Variants in ILDR2 observed in about 807,000 individuals in gnomAD.
The protein encoded by ILDR2 is immunoglobulin-like domain-containing receptor 2.
ILDR2 carries 25 observed loss-of-function variants against 66.8 expected under a neutral mutation model. The observed-to-expected ratio is 0.37, with a 90% CI of 0.27 to 0.52. The LOEUF (loss-of-function observed/expected upper bound fraction) is 0.52, where lower values mean the gene tolerates loss of function less well. Ranked by LOEUF, ILDR2 falls within the 20% of genes least tolerant of loss-of-function variation. ILDR2 has a pLI of 0.88. For synonymous variants in ILDR2, 367 were observed against 357.2 expected (o/e 1.03, Z -0.31); for missense variants, 827 against 876.8 (o/e 0.94, Z 0.72).
intron 3 of ILDR2, among the ~76,000 whole-genome samples, chr1:166,944,473 A>T (rs543544503): frequency 6.6e-6 from 1 of 152,174 alleles, no homozygotes; most frequent in Non-Finnish European, 1.5e-5. Context: ...ATTAGTTTTC[A>T]TCAGCCCTCT....
Position 166,912,420 on chromosome 1 carries a change from G to GA in ILDR2, c.*6934dup, listed in dbSNP as rs552917605. 1.3e-5 allele frequency: 2 copies of GA among 152,018 alleles called. No homozygotes were observed. Among genetic ancestry groups the GA allele is most frequent in the East Asian group, 1.9e-4 (1 of 5,178 alleles). The allele number at this position is 152,018 out of a possible 1,614,324, so 9.4% of individuals were successfully genotyped here. On this transcript the variant is annotated 3_prime_UTR_variant, in exon 10 of 10. Transcript: ENST00000271417. Reference sequence around the variant, plus strand: ...GAAATATAGGAAAAAAAGATGTGTAGAAAAAACACGTGGGTGATTCTAAAC... The same window carrying GA: ...GAAATATAGGAAAAAAAGATGTGTAGAAAAAAACACGTGGGTGATTCTAAAC...
At chr1:166,957,550 T>C (rs1049094840) in intron 2 of ILDR2, among the ~76,000 whole-genome samples, 2 of 152,190 alleles carry the variant, frequency 1.3e-5, no homozygotes, top group Admixed American at 1.3e-4. Flanking sequence ...AAAGTTCATC[T>C]GTATGTCTTC....
intron 3 of ILDR2, among the ~76,000 whole-genome samples, chr1:166,944,976 C>A (rs1661529088): frequency 6.6e-6 from 1 of 152,174 alleles, no homozygotes; most frequent in African/African-American, 2.4e-5. Flanking sequence ...CCTCACCCAC[C>A]CATCAGGAAC....
intron 1 of ILDR2, among the ~76,000 whole-genome samples, chr1:166,958,917 T>C (rs1662444794): frequency 6.6e-6 from 1 of 152,190 alleles, no homozygotes; most frequent in South Asian, 2.1e-4. Context: ...TCATCCTCCA[T>C]AGCCCTCAGG....
Position 166,915,455 on chromosome 1 carries a change from G to C in ILDR2, c.*3900C>G, listed in dbSNP as rs1235445965. On this transcript the variant is annotated 3_prime_UTR_variant, in exon 10 of 10. Transcript: ENST00000271417. Reference sequence around the variant, plus strand: ...ATTAAAAATATGAATTCTGGCTCTAGACCCACCCAATCAATCTCCAAAACA... The same window carrying C: ...ATTAAAAATATGAATTCTGGCTCTACACCCACCCAATCAATCTCCAAAACA... The C allele has an allele frequency of 1.3e-5, 2 of 152,180 alleles. No individual in the cohort carries two copies. The highest frequency in any genetic ancestry group is 4.8e-5 in the African/African-American group (2 of 41,446). 9.4% of individuals were successfully genotyped at this position (152,180 alleles called of 1,614,324 possible).
intron 3 of ILDR2, among the ~76,000 whole-genome samples, chr1:166,945,012 C>T (rs544705472): frequency 2.0e-4 from 30 of 152,314 alleles, no homozygotes; most frequent in African/African-American, 7.2e-4. Context: ...TAGCAAATCC[C>T]CTTGTTCAAT....
intron 3 of ILDR2, among the ~76,000 whole-genome samples, chr1:166,945,297 G>A (rs772436001): frequency 1.3e-5 from 2 of 152,082 alleles, no homozygotes; most frequent in African/African-American, 2.4e-5. Flanking sequence ...TAGACCAAAC[G>A]AATCAGGCAT....
At chr1:166,975,133 G>A (rs1382410069) in intron 1 of ILDR2, 90 bp downstream of exon 1, 12 of 1,125,290 alleles carry the variant, frequency 1.1e-5, no homozygotes, top group Non-Finnish European at 1.5e-5. Context: ...GGTCAGTAAG[G>A]AGGAAAATGG....
chr1:166,921,148 G>A lies in ILDR2; in HGVS notation c.1443C>T (p.Arg481=), dbSNP rs1357556118. 7 of 1,534,016 alleles carry A rather than the reference G, an allele frequency of 4.6e-6. No individual in the cohort carries two copies. The highest frequency in any genetic ancestry group is 5.2e-6 in the Non-Finnish European group (6 of 1,146,200). The stretch of plus-strand genomic sequence containing the variant: ...CGGTCAGGGGCTCGCGGCTGCGGCT[G>A]CGCTGACCGTAGTACTCCTCCAAGG... ...DDSLEEYYGQ[R]SRSREPLTDA... Residue 481 remains arginine (R), a synonymous_variant, in exon 9 of 10, where the codon CGC becomes CGT. Coordinates refer to ENST00000271417, the MANE Select transcript of ILDR2 (RefSeq NM_199351.3). This position sits in a 1 kb window ranked among gnomAD's most constrained non-coding sequence, Gnocchi z 5.3.
Position 166,897,167 on chromosome 1 carries a change from C to T in ILDR2, n.172-1066G>A, listed in dbSNP as rs111585577. On this transcript the variant is annotated intron_variant and non_coding_transcript_variant, in intron 2 of 2. Coordinates refer to the ILDR2 transcript ENST00000414590. ...AGCAGTAAGGTGACCAGTTAAGAGGCTATTGCTATAGTCCACATTAGAGCT... is the reference window on the plus strand; with the variant it reads ...AGCAGTAAGGTGACCAGTTAAGAGGTTATTGCTATAGTCCACATTAGAGCT... Among the ~76,000 whole-genome samples the T allele has an allele frequency of 7.5e-4, 114 of 152,192 alleles. 1 individual carries two copies. The highest frequency in any genetic ancestry group is 2.6e-3 in the African/African-American group (110 of 41,526).
rs79062649 is a variant in ILDR2, at chr1:166,915,662, G to A, written c.*3693C>T. On this transcript the variant is annotated 3_prime_UTR_variant, in exon 10 of 10. Coordinates refer to ENST00000271417, the MANE Select transcript of ILDR2 (RefSeq NM_199351.3). ...TATTAAAAAAAATTGGGTGAGGGGC[G>A]GTGGTAAATTACAACAGTATCTGTG... 23 of 152,226 alleles carry A rather than the reference G, an allele frequency of 1.5e-4. No individual in the cohort carries two copies. The highest frequency in any genetic ancestry group is 6.2e-4 in the South Asian group (3 of 4,808). 9.4% of individuals were successfully genotyped at this position (152,226 alleles called of 1,614,324 possible).
chr1:166,939,614 A>G, intron 3 of ILDR2, 44 bp from the exon 4 acceptor site: 1 of 1,563,570 alleles, frequency 6.4e-7, no homozygotes, highest in South Asian at 1.1e-5. Flanking sequence ...TGGTTATTCC[A>G]AGGGAAAACA....
intron 3 of ILDR2, among the ~76,000 whole-genome samples, chr1:166,949,423 A>T (rs566690310): frequency 3.1e-4 from 47 of 152,264 alleles, no homozygotes; most frequent in Non-Finnish European, 6.0e-4. Flanking sequence ...TAGAGACAAG[A>T]CACTGTCATT....
At chr1:166,963,562 T>G (rs912711549) in intron 1 of ILDR2, among the ~76,000 whole-genome samples, 3 of 152,172 alleles carry the variant, frequency 2.0e-5, no homozygotes, top group African/African-American at 7.2e-5. Context: ...TCCAACCCAA[T>G]CCACTCTCCA....
intron 4 of ILDR2, among the ~76,000 whole-genome samples, chr1:166,938,702 A>G (rs1340302092): frequency 1.3e-5 from 2 of 152,214 alleles, no homozygotes; most frequent in Non-Finnish European, 2.9e-5. Context: ...GATATTTTAT[A>G]TCTCTGTTGC....
intron 6 of ILDR2, among the ~76,000 whole-genome samples, chr1:166,928,641 G>A (rs1180280169): frequency 6.6e-6 from 1 of 152,088 alleles, no homozygotes; most frequent in Admixed American, 6.5e-5. Flanking sequence ...TGTTACCCTG[G>A]CTGCGGACAA....
intron 3 of ILDR2, among the ~76,000 whole-genome samples, chr1:166,946,945 C>T (rs1408015386): frequency 2.0e-5 from 3 of 152,124 alleles, no homozygotes; most frequent in South Asian, 2.1e-4. Context: ...AAGTTGCAAC[C>T]GGAAAAAATG....
chr1:166,974,343 C>T (rs1471797257), intron 1 of ILDR2, among the ~76,000 whole-genome samples: 1 of 152,160 alleles, frequency 6.6e-6, no homozygotes, highest in African/African-American at 2.4e-5. Flanking sequence ...CAGGGCTGGC[C>T]ACCCCAAGGC....
At chr1:166,922,953 G>A (rs1660046527) in intron 7 of ILDR2, 144 bp from the exon 8 acceptor site, 2 of 675,436 alleles carry the variant, frequency 3.0e-6, no homozygotes, top group African/African-American at 3.6e-5. Context: ...GCCTGAACTA[G>A]TGGTGTTTGT....
Sources: gnomAD v4.1 joint callset for allele counts (sites outside exome capture counted in the v4.1 genomes callset) on GRCh38, gnomAD v4.1.1 for gene constraint, Gnocchi (gnomAD v3.1) non-coding constraint, MANE v1.5 for transcripts, NCBI Gene and HGNC (gene_info 2026-07-23, HGNC 2026-07-21) for gene names.